ABLIM1: variants seen among roughly 807,000 people sequenced by gnomAD.
The protein encoded by ABLIM1 is actin binding LIM protein 1.
ABLIM1 carries 40 observed loss-of-function variants against 107.0 expected under a neutral mutation model. The ratio of observed to expected loss-of-function variants is 0.37; its 90% CI spans 0.29 to 0.49. The LOEUF (loss-of-function observed/expected upper bound fraction) is 0.49, where lower values mean the gene tolerates loss of function less well. Among genes scored for constraint, ABLIM1 ranks in the 20% least tolerant of loss-of-function variants. The probability of loss-of-function intolerance (pLI) is 0.97; values close to 1 mark genes in which losing one functional copy is unlikely to be tolerated. For synonymous variants in ABLIM1, 357 were observed against 357.3 expected (o/e 1.00, Z 0.01); for missense variants, 857 against 1,008.5 (o/e 0.85, Z 2.04).
intron 1 of ABLIM1, among the ~76,000 whole-genome samples, chr10:114,684,028 T>C (rs991730743): frequency 1.3e-5 from 2 of 152,232 alleles, no homozygotes; most frequent in African/African-American, 2.4e-5. Flanking sequence ...TGAGTTGAGC[T>C]GGGCTACTGC....
At chr10:114,585,604 T>C (rs1414238771) in intron 2 of ABLIM1, among the ~76,000 whole-genome samples, 1 of 152,164 alleles carries the variant, frequency 6.6e-6, no homozygotes, top group Non-Finnish European at 1.5e-5. Context: ...AATGCTTTGA[T>C]CTTGCATGTA....
the ABLIM1 span, among the ~76,000 whole-genome samples, chr10:114,798,128 A>C: frequency 6.6e-6 from 1 of 152,220 alleles, no homozygotes; most frequent in Admixed American, 6.5e-5. Context: ...TTTATATAAT[A>C]ATGTGCTATT....
At chr10:114,562,207 C>T (rs985517545) in intron 4 of ABLIM1, among the ~76,000 whole-genome samples, 1 of 152,166 alleles carries the variant, frequency 6.6e-6, no homozygotes, top group South Asian at 2.1e-4. Flanking sequence ...TTGAGGAGAT[C>T]CATTCCCTGA....
At chr10:114,477,500 T>G (rs1438010339) in intron 8 of ABLIM1, among the ~76,000 whole-genome samples, 2 of 152,154 alleles carry the variant, frequency 1.3e-5, no homozygotes, top group African/African-American at 4.8e-5. Context: ...TTTTGCCAAG[T>G]GTGGGGCAAG....
chr10:114,557,683 T>TTC, intron 4 of ABLIM1, among the ~76,000 whole-genome samples: 1 of 149,988 alleles, frequency 6.7e-6, no homozygotes, highest in African/African-American at 2.4e-5. Flanking sequence ...TTTTTTTTTT[T>TTC]TTTTTTTTTT....
intron 6 of ABLIM1, among the ~76,000 whole-genome samples, chr10:114,500,430 G>A (rs995299007): frequency 1.3e-5 from 2 of 152,040 alleles, no homozygotes; most frequent in African/African-American, 2.4e-5. Flanking sequence ...GCCAAAGTGC[G>A]ATGGTTTGTG....
chr10:114,585,726 C>T (rs1171544024), intron 2 of ABLIM1, among the ~76,000 whole-genome samples: 1 of 152,128 alleles, frequency 6.6e-6, no homozygotes, highest in African/African-American at 2.4e-5. Context: ...ATGGTGATGC[C>T]AACTTCACCC....
upstream of ABLIM1, among the ~76,000 whole-genome samples, chr10:114,772,383 T>C (rs1269437120): frequency 6.6e-6 from 1 of 151,892 alleles, no homozygotes; most frequent in African/African-American, 2.4e-5. Flanking sequence ...GGAAGAATCA[T>C]GTGAGCCCAG....
chr10:114,455,816 T>TC (rs1286227657), intron 12 of ABLIM1, among the ~76,000 whole-genome samples: 3 of 151,152 alleles, frequency 2.0e-5, no homozygotes, highest in Non-Finnish European at 4.4e-5. Flanking sequence ...CTGCAACTTT[T>TC]TTTTTTTTTT....
intron 6 of ABLIM1, among the ~76,000 whole-genome samples, chr10:114,544,213 G>A (rs977662195): frequency 6.6e-6 from 1 of 152,174 alleles, no homozygotes; most frequent in South Asian, 2.1e-4. Flanking sequence ...CTAGTTGTGG[G>A]GCTTCCTGAC....
intron 4 of ABLIM1, among the ~76,000 whole-genome samples, chr10:114,563,678 T>C (rs1260613366): frequency 1.3e-5 from 2 of 150,542 alleles, no homozygotes; most frequent in South Asian, 4.3e-4. Context: ...CTACAAAAAA[T>C]ACACACGCAA....
At chr10:114,533,638 C>G (rs1371678836) in intron 6 of ABLIM1, among the ~76,000 whole-genome samples, 1 of 152,112 alleles carries the variant, frequency 6.6e-6, no homozygotes, top group East Asian at 1.9e-4. Flanking sequence ...CCATTTAATA[C>G]TGTGGGTCCA....
intron 14 of ABLIM1, among the ~76,000 whole-genome samples, chr10:114,448,937 A>G (rs1279736668): frequency 2.0e-5 from 3 of 152,128 alleles, no homozygotes; most frequent in African/African-American, 7.2e-5. Context: ...ATCCTTATAT[A>G]CTAAATACAT....
chr10:114,500,781 G>GGGAAGGGAAGGGAAA (rs1565644170), intron 6 of ABLIM1, among the ~76,000 whole-genome samples: 5 of 145,284 alleles, frequency 3.4e-5, no homozygotes, highest in South Asian at 2.1e-4. Context: ...GGGAAGGGAA[G>GGGAAGGGAAGGGAAA]GGAAGGGAAG....
chr10:114,559,760 T>C (rs917144402), intron 4 of ABLIM1, among the ~76,000 whole-genome samples: 2 of 152,226 alleles, frequency 1.3e-5, no homozygotes, highest in Non-Finnish European at 2.9e-5. Flanking sequence ...TGGCTGAAGC[T>C]TGAAGGCTGT....
chr10:114,612,953 A>C (rs1008903043), intron 1 of ABLIM1, among the ~76,000 whole-genome samples: 8 of 152,338 alleles, frequency 5.3e-5, no homozygotes, highest in South Asian at 2.1e-4. Flanking sequence ...AATTTGAAAA[A>C]CAAAAACCAA....
chr10:114,466,888 G>A, intron 11 of ABLIM1, among the ~76,000 whole-genome samples: 1 of 152,244 alleles, frequency 6.6e-6, no homozygotes, highest in Admixed American at 6.5e-5. Context: ...GCCAGGCACA[G>A]TGGCTCATGC....
rs138791556 is a variant in ABLIM1, at chr10:114,697,404, G to A, written c.-213+70657C>T. On this transcript the variant is annotated intron_variant, in intron 1 of 15. Transcript: ENST00000651092. ...AGTGGTGATCAGCCCTCAGGAGCTGGCACGCGGTTTTCGAAGCAGCTGATC... is the reference window on the plus strand; with the variant it reads ...AGTGGTGATCAGCCCTCAGGAGCTGACACGCGGTTTTCGAAGCAGCTGATC... Among the ~76,000 whole-genome samples, 34 of 152,348 alleles carry A rather than the reference G, an allele frequency of 2.2e-4. 1 individual carries two copies. In the East Asian group the frequency reaches 6.0e-3, roughly 27 times the overall value.
intron 2 of ABLIM1, among the ~76,000 whole-genome samples, chr10:114,596,451 A>G (rs2075422354): frequency 6.6e-6 from 1 of 152,190 alleles, no homozygotes; most frequent in African/African-American, 2.4e-5. Flanking sequence ...CTGTATTCCC[A>G]TCTACTCAGG....
Sources: gnomAD v4.1 joint callset for allele counts (sites outside exome capture counted in the v4.1 genomes callset) on GRCh38, gnomAD v4.1.1 for gene constraint, MANE v1.5 for transcripts, NCBI Gene and HGNC (gene_info 2026-07-23, HGNC 2026-07-21) for gene names.